Variants in RBFOX1 observed in about 807,000 individuals in gnomAD.
RBFOX1 encodes the protein RNA binding fox-1 homolog 1.
In RBFOX1, 8 loss-of-function variants were observed where a neutral mutation model predicts 57.7. That is an observed-to-expected ratio of 0.14 (90% CI 0.08 to 0.25). The LOEUF (loss-of-function observed/expected upper bound fraction) is 0.25. RBFOX1 is among the 10% of genes least tolerant of loss of function. The pLI is 1.00. For synonymous variants in RBFOX1, 326 were observed against 222.4 expected, an observed-to-expected ratio of 1.47 and a Z score of -4.15; for missense variants, 611 against 548.5, an observed-to-expected ratio of 1.11 and a Z score of -1.14.
intron 4 of RBFOX1, among the ~76,000 whole-genome samples, chr16:7,159,610 C>T (rs1439353984): frequency 6.6e-6 from 1 of 152,168 alleles, no homozygotes; most frequent in African/African-American, 2.4e-5. Context: ...GCTATAGCTT[C>T]AGTCATCTCC....
At chr16:6,108,697 C>G (rs1363341817) in intron 1 of RBFOX1, among the ~76,000 whole-genome samples, 2 of 152,258 alleles carry the variant, frequency 1.3e-5, no homozygotes, top group Non-Finnish European at 2.9e-5. Context: ...GGGCCTATCT[C>G]CTTCTCAAGG....
At chr16:7,661,863 C>T (rs2067840937) in intron 12 of RBFOX1, among the ~76,000 whole-genome samples, 2 of 152,150 alleles carry the variant, frequency 1.3e-5, no homozygotes, top group African/African-American at 2.4e-5. Flanking sequence ...CTTTCCATAG[C>T]CCACAGTGGA....
At chr16:6,985,062 G>C (rs926047660) in intron 3 of RBFOX1, among the ~76,000 whole-genome samples, 1 of 136,248 alleles carries the variant, frequency 7.3e-6, no homozygotes, top group African/African-American at 2.7e-5. Flanking sequence ...AGTTCCTCTG[G>C]ATTTCATTTC....
At chr16:7,291,767 A>G (rs991231298) in intron 4 of RBFOX1, among the ~76,000 whole-genome samples, 1 of 151,710 alleles carries the variant, frequency 6.6e-6, no homozygotes, top group Non-Finnish European at 1.5e-5. Context: ...TAGGGATGCG[A>G]TAAGGATTTG....
intron 1 of RBFOX1, among the ~76,000 whole-genome samples, chr16:6,272,045 AC>A: frequency 6.6e-6 from 1 of 152,314 alleles, no homozygotes; most frequent in Non-Finnish European, 1.5e-5. Flanking sequence ...ATTGACTGTA[AC>A]AAAATATTAA....
At chr16:7,169,927 G>T (rs2152448006) in intron 4 of RBFOX1, among the ~76,000 whole-genome samples, 1 of 152,126 alleles carries the variant, frequency 6.6e-6, no homozygotes, top group South Asian at 2.1e-4. Flanking sequence ...AAAAAAAATA[G>T]CTGGGCATGG....
At chr16:7,390,860 C>T (rs781343881) in intron 4 of RBFOX1, among the ~76,000 whole-genome samples, 8 of 151,778 alleles carry the variant, frequency 5.3e-5, no homozygotes, top group Admixed American at 1.3e-4. Flanking sequence ...GATTTGTACG[C>T]CCTGGGGATA....
intron 3 of RBFOX1, among the ~76,000 whole-genome samples, chr16:5,625,910 C>T (rs369626340): frequency 6.7e-6 from 1 of 149,820 alleles, no homozygotes; most frequent in East Asian, 2.0e-4. Flanking sequence ...GAGTTTCACT[C>T]TTGTTGCCCA....
At chr16:6,621,476 C>CA (rs1159172395) in intron 2 of RBFOX1, among the ~76,000 whole-genome samples, 1 of 151,722 alleles carries the variant, frequency 6.6e-6, no homozygotes, top group South Asian at 2.1e-4. Context: ...AACAAACAAA[C>CA]AACAACAACA....
chr16:5,506,962 C>G (rs991296428), intron 2 of RBFOX1, among the ~76,000 whole-genome samples: 7 of 152,148 alleles, frequency 4.6e-5, no homozygotes, highest in African/African-American at 1.2e-4. Flanking sequence ...AAAGCCCCGT[C>G]TCAGAGACCA....
intron 1 of RBFOX1, among the ~76,000 whole-genome samples, chr16:6,246,732 C>T (rs780524259): frequency 8.5e-5 from 13 of 152,160 alleles, no homozygotes; most frequent in Non-Finnish European, 1.5e-4. Context: ...GAGCGTTTGT[C>T]CAGGCTGGTG....
chr16:7,369,273 G>A (rs901269007), intron 4 of RBFOX1, among the ~76,000 whole-genome samples: 2 of 151,980 alleles, frequency 1.3e-5, no homozygotes, highest in African/African-American at 4.8e-5. Flanking sequence ...GCTCTCGGGG[G>A]CTGACCATGT....
intron 2 of RBFOX1, among the ~76,000 whole-genome samples, chr16:5,470,015 T>C (rs770619574): frequency 6.6e-6 from 1 of 152,184 alleles, no homozygotes; most frequent in Non-Finnish European, 1.5e-5. Flanking sequence ...GGTATATACC[T>C]AGGAGTGGAA....
chr16:6,664,428 C>T (rs763392597), intron 3 of RBFOX1, among the ~76,000 whole-genome samples: 1 of 152,172 alleles, frequency 6.6e-6, no homozygotes, highest in African/African-American at 2.4e-5. Context: ...GGTCATCTAG[C>T]GTCAGCAAAT....
intron 4 of RBFOX1, among the ~76,000 whole-genome samples, chr16:7,088,544 GT>G (rs71147650): frequency 1.3e-5 from 2 of 150,744 alleles, no homozygotes; most frequent in African/African-American, 4.9e-5. Flanking sequence ...GTTTTTTGTT[GT>G]TTTTTTTTCT....
At chr16:7,278,116 G>T (rs527400041) in intron 4 of RBFOX1, among the ~76,000 whole-genome samples, 2 of 151,972 alleles carry the variant, frequency 1.3e-5, no homozygotes, top group Non-Finnish European at 2.9e-5. Context: ...GTGGTATTTG[G>T]CTCCGCTTGG....
intron 1 of RBFOX1, among the ~76,000 whole-genome samples, chr16:6,245,417 A>T (rs1384086572): frequency 6.6e-6 from 1 of 152,036 alleles, no homozygotes; most frequent in Non-Finnish European, 1.5e-5. Context: ...TCCAGTTTTC[A>T]TTTATCTATT....
At chr16:7,574,181 C>T (rs1220016542) in intron 5 of RBFOX1, among the ~76,000 whole-genome samples, 1 of 152,108 alleles carries the variant, frequency 6.6e-6, no homozygotes, top group Non-Finnish European at 1.5e-5. Context: ...TGATGAAAGG[C>T]TTTCCAGCCA....
intron 1 of RBFOX1, among the ~76,000 whole-genome samples, chr16:6,063,463 C>T (rs560365273): frequency 7.6e-5 from 6 of 78,770 alleles, no homozygotes; most frequent in African/African-American, 1.7e-4. Flanking sequence ...TCTCTTTCTC[C>T]GACACACACA....
Sources: gnomAD v4.1 joint callset for allele counts (sites outside exome capture counted in the v4.1 genomes callset) on GRCh38, gnomAD v4.1.1 for gene constraint, MANE v1.5 for transcripts, NCBI Gene and HGNC (gene_info 2026-07-23, HGNC 2026-07-21) for gene names.